Variants in PLCXD3 observed in about 807,000 individuals in gnomAD.
PLCXD3 encodes the protein PI-PLC X domain-containing protein 3.
Under a neutral mutation model 25.5 loss-of-function variants are expected in PLCXD3, and 19 were observed. The observed-to-expected ratio is 0.75, with a 90% CI of 0.52 to 1.09. PLCXD3 has a LOEUF of 1.09. Among genes scored for constraint, PLCXD3 ranks in the 50% least tolerant of loss-of-function variants. The probability of loss-of-function intolerance (pLI) is 0.00; values close to 1 mark genes in which losing one functional copy is unlikely to be tolerated. For missense variants in PLCXD3, 411 were observed against 388.1 expected, an observed-to-expected ratio of 1.06 and a Z score of -0.50; for synonymous variants, 174 against 137.6, an observed-to-expected ratio of 1.26 and a Z score of -1.85.
intron 1 of PLCXD3, among the ~76,000 whole-genome samples, chr5:41,406,915 T>G (rs1420512807): frequency 6.6e-6 from 1 of 152,192 alleles, no homozygotes; most frequent in Non-Finnish European, 1.5e-5. Context: ...ACTTTTGACT[T>G]GGTAATGTAT....
rs563453014 is a variant in PLCXD3 at position 41,327,909 on chromosome 5, G to A, written c.813-14139C>T. Reference sequence around the variant, plus strand: ...TAACCTCGAACTCCCGGACTCAAGCGATCCTCCTGCTTCAGCCTCCCAAAG... The same window carrying A: ...TAACCTCGAACTCCCGGACTCAAGCAATCCTCCTGCTTCAGCCTCCCAAAG... On this transcript the variant is annotated intron_variant, in intron 2 of 2. Transcript: ENST00000377801. Among the ~76,000 whole-genome samples, 9 of 152,220 alleles carry A rather than the reference G, an allele frequency of 5.9e-5. No individual in the cohort carries two copies. The South Asian group carries it at 1.7e-3, about 28-fold the overall frequency.
At chr5:41,394,576 T>C (rs1745938506) in intron 1 of PLCXD3, among the ~76,000 whole-genome samples, 1 of 151,962 alleles carries the variant, frequency 6.6e-6, no homozygotes, top group South Asian at 2.1e-4. Flanking sequence ...GAAACACACT[T>C]TACCCATAAA....
chr5:41,336,773 G>T (rs1341384404), intron 2 of PLCXD3, among the ~76,000 whole-genome samples: 1 of 152,174 alleles, frequency 6.6e-6, no homozygotes, highest in East Asian at 1.9e-4. Flanking sequence ...ATCCCCCACA[G>T]CTCCTGCAGT....
intron 1 of PLCXD3, among the ~76,000 whole-genome samples, chr5:41,437,527 C>A (rs1747283613): frequency 6.6e-6 from 1 of 152,160 alleles, no homozygotes. Context: ...AAGGAAGGAG[C>A]AATGGATCTC....
chr5:41,465,540 G>A (rs1211263188), intron 1 of PLCXD3, among the ~76,000 whole-genome samples: 1 of 151,606 alleles, frequency 6.6e-6, no homozygotes, highest in African/African-American at 2.4e-5. Flanking sequence ...GCATTCTCTT[G>A]AATCAGAAGC....
In PLCXD3 at chr5:41,410,298, C is replaced by A. The variant is rs563329165; in HGVS notation, c.104-27764G>T. Among the ~76,000 whole-genome samples the A allele has an allele frequency of 1.1e-3, 173 of 151,818 alleles. 1 individual carries two copies. Among genetic ancestry groups the A allele is most frequent in the Non-Finnish European group, 1.9e-3 (127 of 67,962 alleles). On this transcript the variant is annotated intron_variant, in intron 1 of 2. Coordinates refer to ENST00000377801, the MANE Select transcript of PLCXD3 (RefSeq NM_001005473.3). The stretch of plus-strand genomic sequence containing the variant: ...GGGACTACAGGCGTGCGCCCCCACG[C>A]CTGGCTAATTTTTTTTTTGTATTTT...
chr5:41,397,234 G>A (rs1405271386), intron 1 of PLCXD3, among the ~76,000 whole-genome samples: 1 of 152,120 alleles, frequency 6.6e-6, no homozygotes, highest in African/African-American at 2.4e-5. Flanking sequence ...GGTTTCCTGG[G>A]CCAGGCACAG....
chr5:41,505,394 C>A (rs1749033659), intron 1 of PLCXD3, among the ~76,000 whole-genome samples: 1 of 152,114 alleles, frequency 6.6e-6, no homozygotes. Flanking sequence ...AGGTCATTTT[C>A]TATTGAAAAC....
chr5:41,449,690 T>A (rs1463776319), intron 1 of PLCXD3, among the ~76,000 whole-genome samples: 1 of 152,108 alleles, frequency 6.6e-6, no homozygotes, highest in Non-Finnish European at 1.5e-5. Flanking sequence ...GGACATACTA[T>A]AGGAGTGCCT....
intron 1 of PLCXD3, among the ~76,000 whole-genome samples, chr5:41,506,578 A>G (rs1027570052): frequency 6.6e-6 from 1 of 152,178 alleles, no homozygotes; most frequent in African/African-American, 2.4e-5. Flanking sequence ...ACTCCTTCCA[A>G]GTAAAATAGA....
intron 2 of PLCXD3, among the ~76,000 whole-genome samples, chr5:41,367,382 AATG>A (rs1271399990): frequency 6.6e-6 from 1 of 152,042 alleles, no homozygotes; most frequent in African/African-American, 2.4e-5. Context: ...GCATTTATCT[AATG>A]ATCAGTGATG....
At chr5:41,491,532 G>A (rs886411033) in intron 1 of PLCXD3, among the ~76,000 whole-genome samples, 3 of 152,044 alleles carry the variant, frequency 2.0e-5, no homozygotes, top group Non-Finnish European at 2.9e-5. Flanking sequence ...TCGACAGTGG[G>A]GTGTTAAAGT....
At chr5:41,403,409 T>TTGTTTGTTTGTTTTTG (rs1746257352) in intron 1 of PLCXD3, among the ~76,000 whole-genome samples, 1 of 39,668 alleles carries the variant, frequency 2.5e-5, no homozygotes, top group Non-Finnish European at 6.3e-5. Context: ...TTGTTTTTTT[T>TTGTTTGTTTGTTTTTG]TTTTTTTATT....
At chr5:41,444,581 G>A (rs186591941) in intron 1 of PLCXD3, among the ~76,000 whole-genome samples, 14 of 152,252 alleles carry the variant, frequency 9.2e-5, no homozygotes, top group Admixed American at 2.0e-4. Flanking sequence ...GTCCTGTAAT[G>A]CCAGTTAAGC....
chr5:41,338,933 G>T (rs1744057953), intron 2 of PLCXD3, among the ~76,000 whole-genome samples: 1 of 152,084 alleles, frequency 6.6e-6, no homozygotes, highest in South Asian at 2.1e-4. Flanking sequence ...GTGTAACAGA[G>T]TATTTCCGCC....
At chr5:41,401,046 T>A (rs1460012313) in intron 1 of PLCXD3, among the ~76,000 whole-genome samples, 2 of 151,962 alleles carry the variant, frequency 1.3e-5, no homozygotes, top group African/African-American at 4.8e-5. Flanking sequence ...ATTTGACACT[T>A]TTTTTTGAAG....
At chr5:41,398,406 C>A (rs535164597) in intron 1 of PLCXD3, among the ~76,000 whole-genome samples, 1 of 152,094 alleles carries the variant, frequency 6.6e-6, no homozygotes, top group Non-Finnish European at 1.5e-5. Context: ...TGTAAGTTTC[C>A]TGAGGCCTCC....
At chr5:41,471,146 C>G (rs1009629911) in intron 1 of PLCXD3, among the ~76,000 whole-genome samples, 1 of 152,076 alleles carries the variant, frequency 6.6e-6, no homozygotes, top group East Asian at 1.9e-4. Flanking sequence ...CTGATAGTAC[C>G]CTCTGCAAGG....
chr5:41,440,067 A>G (rs1247887165), intron 1 of PLCXD3, among the ~76,000 whole-genome samples: 2 of 152,132 alleles, frequency 1.3e-5, no homozygotes, highest in African/African-American at 2.4e-5. Flanking sequence ...CCTGACTTGT[A>G]TGATGGCCAT....
Sources: gnomAD v4.1 joint callset for allele counts (sites outside exome capture counted in the v4.1 genomes callset) on GRCh38, gnomAD v4.1.1 for gene constraint, MANE v1.5 for transcripts, NCBI Gene and HGNC (gene_info 2026-07-23, HGNC 2026-07-21) for gene names.